The following SEPSECS variants were observed in gnomAD, a reference collection of about 807,000 sequenced individuals.
The protein encoded by SEPSECS is O-phosphoseryl-tRNA(Sec) selenium transferase.
SEPSECS carries 42 observed loss-of-function variants against 52.1 expected under a neutral mutation model. That is an observed-to-expected ratio of 0.81 (90% CI 0.63 to 1.04). The LOEUF is 1.04. SEPSECS is among the 50% of genes least tolerant of loss of function. The pLI is 0.00. For synonymous variants in SEPSECS, 216 were observed against 211.4 expected, an observed-to-expected ratio of 1.02 and a Z score of -0.19; for missense variants, 590 against 610.6, an observed-to-expected ratio of 0.97 and a Z score of 0.36.
In SEPSECS at chr4:25,158,059, T is replaced by C. The variant is rs569634366; in HGVS notation, c.269+894A>G. Among the ~76,000 whole-genome samples, 21 of 152,322 alleles carry C rather than the reference T, an allele frequency of 1.4e-4. No individual in the cohort carries two copies. In the South Asian group the frequency reaches 3.5e-3, roughly 26 times the overall value. ...CTTTCGTAATTTGAGTAATTTCTAATTGACAGTCAAATATATCAGAAATTC... is the reference window on the plus strand; with the variant it reads ...CTTTCGTAATTTGAGTAATTTCTAACTGACAGTCAAATATATCAGAAATTC... On this transcript the variant is annotated intron_variant, in intron 2 of 10. Transcript: ENST00000382103.
chr4:25,144,119 T>C (rs1711797842), intron 8 of SEPSECS, among the ~76,000 whole-genome samples: 1 of 151,970 alleles, frequency 6.6e-6, no homozygotes, highest in Non-Finnish European at 1.5e-5. Flanking sequence ...GGCGGGTGGA[T>C]CACGAGGTCA....
rs1171723581 is a variant in SEPSECS at position 25,124,178 on chromosome 4, C to T, written c.1259G>A (p.Arg420Lys). The change falls in exon 11 of 11, where the codon AGA becomes AAA. Residue 420 changes from arginine (R) to lysine (K), a missense_variant. Transcript: ENST00000382103. ...SMQTVSGYTF[R>K]GFMSHTNNYP... ...ATTATTTGTATGTGACATAAAGCCT[C>T]TGAAAGTATAGCCACTCACAGTTTG... 1 of 1,613,480 alleles carries T rather than the reference C, an allele frequency of 6.2e-7. No homozygotes were observed. The highest frequency in any genetic ancestry group is 8.5e-7 in the Non-Finnish European group (1 of 1,179,722).
At chr4:25,130,192 T>C (rs1232308251) in intron 8 of SEPSECS, among the ~76,000 whole-genome samples, 1 of 152,234 alleles carries the variant, frequency 6.6e-6, no homozygotes, top group Non-Finnish European at 1.5e-5. Flanking sequence ...TAAAATATTA[T>C]TCTATCTACT....
chr4:25,145,202 C>T, intron 6 of SEPSECS, 69 bp from the exon 7 acceptor site: 1 of 1,500,600 alleles, frequency 6.7e-7, no homozygotes, highest in Non-Finnish European at 9.2e-7. Context: ...AAACAAATAC[C>T]ACAACAAAAA....
At chr4:25,136,409 A>C (rs1728845058) in intron 8 of SEPSECS, among the ~76,000 whole-genome samples, 1 of 152,104 alleles carries the variant, frequency 6.6e-6, no homozygotes, top group Non-Finnish European at 1.5e-5. Flanking sequence ...ATACAACAAC[A>C]AACAAGCAGA....
chr4:25,133,664 G>T, intron 8 of SEPSECS, among the ~76,000 whole-genome samples: 1 of 152,090 alleles, frequency 6.6e-6, no homozygotes, highest in East Asian at 1.9e-4. Context: ...AAATCTTAAG[G>T]CTAGAAAAGT....
chr4:25,143,194 G>A (rs1711712865), intron 8 of SEPSECS, among the ~76,000 whole-genome samples: 1 of 152,192 alleles, frequency 6.6e-6, no homozygotes, highest in African/African-American at 2.4e-5. Context: ...TTCATTGTCA[G>A]ACTTACTGAG....
At chr4:25,150,009 G>A (rs1712205302) in intron 6 of SEPSECS, among the ~76,000 whole-genome samples, 1 of 152,194 alleles carries the variant, frequency 6.6e-6, no homozygotes, top group Non-Finnish European at 1.5e-5. Context: ...GCCAACTTGA[G>A]TTGGGTGCCT....
At position 25,123,919 on chromosome 4, in the gene SEPSECS, A is replaced by T. The variant is rs780083655; in HGVS notation, c.*12T>A. Reference sequence around the variant, plus strand: ...ATTTCTTTCAAATGATCAAGAAGAAACCCTTCGCATGTCATGAAGAAGCAT... The same window carrying T: ...ATTTCTTTCAAATGATCAAGAAGAATCCCTTCGCATGTCATGAAGAAGCAT... On this transcript the variant is annotated 3_prime_UTR_variant, in exon 11 of 11. Coordinates refer to ENST00000382103, the MANE Select transcript of SEPSECS (RefSeq NM_016955.4). 1.2e-6 allele frequency: 2 copies of T among 1,608,774 alleles called. No individual in the cohort carries two copies. Among genetic ancestry groups the T allele is most frequent in the African/African-American group, 2.7e-5 (2 of 74,804 alleles).
chr4:25,156,295 T>C (rs1357254318), intron 3 of SEPSECS, 100 bp from the exon 4 acceptor site: 1 of 1,091,518 alleles, frequency 9.2e-7, no homozygotes, highest in Non-Finnish European at 1.4e-6. Flanking sequence ...GTAAGAGTCG[T>C]AGCCCTAGGG....
At chr4:25,154,394 A>T (rs901738967) in intron 5 of SEPSECS, among the ~76,000 whole-genome samples, 5 of 152,192 alleles carry the variant, frequency 3.3e-5, no homozygotes, top group African/African-American at 1.2e-4. Flanking sequence ...AAAAACAGAA[A>T]TCTGTATTAC....
intron 6 of SEPSECS, among the ~76,000 whole-genome samples, chr4:25,147,920 C>T (rs1041816979): frequency 3.3e-5 from 5 of 152,046 alleles, no homozygotes; most frequent in African/African-American, 1.2e-4. Flanking sequence ...ACTTTGGAGT[C>T]GCACTGAACT....
In SEPSECS at chr4:25,123,043, TGCACCAGTGA is replaced by T. The variant is rs1728194663; in HGVS notation, c.*878_*887del. On this transcript the variant is annotated 3_prime_UTR_variant, in exon 11 of 11. Coordinates refer to ENST00000382103, the MANE Select transcript of SEPSECS (RefSeq NM_016955.4). The stretch of plus-strand genomic sequence containing the variant: ...GTTTTCCCTTATCCAAAAGGAAAAA[TGCACCAGTGA>T]GCACCATATAAAACAATTTATAATG... 1 of 152,084 alleles carries T rather than the reference TGCACCAGTGA, an allele frequency of 6.6e-6. No homozygotes were observed. Among genetic ancestry groups the T allele is most frequent in the South Asian group, 2.1e-4 (1 of 4,828 alleles). 9.4% of individuals were successfully genotyped at this position (152,084 alleles called of 1,614,324 possible). A position where few individuals can be genotyped will look rare whatever the true frequency, so the allele number is the denominator to read the frequency against.
In SEPSECS at chr4:25,125,600, G is replaced by A. The variant is rs531847778; in HGVS notation, c.1211+94C>T. 162 of 792,182 alleles carry A rather than the reference G, an allele frequency of 2.0e-4. 2 individuals carry two copies. Among genetic ancestry groups the A allele is most frequent in the Middle Eastern group, 1.8e-3 (7 of 3,882 alleles). The allele number at this position is 792,182 out of a possible 1,614,324, so 49.1% of individuals were successfully genotyped here. ...TGATGAATTCGCAGGTATAGTTCAG[G>A]ATATACTTGGGGGACTATTGTTGAG... On this transcript the variant is annotated intron_variant, in intron 10 of 10. Transcript: ENST00000382103.
At chr4:25,126,951 C>T (rs181628617) in intron 9 of SEPSECS, among the ~76,000 whole-genome samples, 41 of 152,194 alleles carry the variant, frequency 2.7e-4, no homozygotes, top group African/African-American at 9.6e-5. Context: ...CCACCAAACC[C>T]GACCTGGAGA....
chr4:25,155,777 A>G (rs1314704794), intron 4 of SEPSECS, among the ~76,000 whole-genome samples: 1 of 152,242 alleles, frequency 6.6e-6, no homozygotes, highest in African/African-American at 2.4e-5. Context: ...CAATTAAAAC[A>G]GTACACTTAA....
chr4:25,155,994 A>T (rs1179898145), intron 4 of SEPSECS, 43 bp downstream of exon 4: 1 of 1,537,140 alleles, frequency 6.5e-7, no homozygotes, highest in East Asian at 2.3e-5. Context: ...TCTGAATTTC[A>T]TAATTATGAT....
At chr4:25,156,707 C>CAAAAAAAAAAAAAAAAAAAAAAAAA (rs34542574) in intron 3 of SEPSECS, 149 bp downstream of exon 3, 1 of 181,138 alleles carries the variant, frequency 5.5e-6, no homozygotes, top group African/African-American at 7.3e-5. Context: ...GACTCCGTCT[C>CAAAAAAAAAAAAAAAAAAAAAAAAA]AAAAAAAAAA....
intron 5 of SEPSECS, among the ~76,000 whole-genome samples, chr4:25,154,621 T>A (rs866205264): frequency 6.6e-5 from 10 of 152,136 alleles, no homozygotes; most frequent in East Asian, 1.9e-4. Context: ...AATTTTTTTT[T>A]AATTTATTAA....
Sources: gnomAD v4.1 joint callset for allele counts (sites outside exome capture counted in the v4.1 genomes callset) on GRCh38, gnomAD v4.1.1 for gene constraint, MANE v1.5 for transcripts, NCBI Gene and HGNC (gene_info 2026-07-23, HGNC 2026-07-21) for gene names.